PARVB: variants seen among roughly 807,000 people sequenced by gnomAD.
PARVB encodes parvin beta, also known as beta-parvin.
PARVB carries 46 observed loss-of-function variants against 47.0 expected under a neutral mutation model. The observed-to-expected ratio is 0.98, with a 90% confidence interval of 0.77 to 1.25. The LOEUF (loss-of-function observed/expected upper bound fraction) is 1.25. PARVB is among the 50% of genes most tolerant of loss of function. The pLI, the probability that PARVB is intolerant of heterozygous loss-of-function variation, is 0.00. For synonymous variants in PARVB, 196 were observed against 196.3 expected (o/e 1.00, Z 0.01); for missense variants, 473 against 471.6 (o/e 1.00, Z -0.03).
intron 1 of PARVB, among the ~76,000 whole-genome samples, chr22:44,071,799 G>A (rs1388452218): frequency 1.3e-5 from 2 of 152,230 alleles, no homozygotes; most frequent in Non-Finnish European, 2.9e-5. Flanking sequence ...ATGGGACCTT[G>A]ACTTTCCCAA....
At chr22:44,054,990 C>CAAAAAAA (rs3083343) in intron 1 of PARVB, among the ~76,000 whole-genome samples, 1 of 70,120 alleles carries the variant, frequency 1.4e-5, no homozygotes. Context: ...AACTCCATCT[C>CAAAAAAA]AAAAAAAAAA....
chr22:44,024,924 C>T (rs2050704418), intron 1 of PARVB, among the ~76,000 whole-genome samples: 1 of 152,186 alleles, frequency 6.6e-6, no homozygotes, highest in South Asian at 2.1e-4. Context: ...AGGGCTGAGG[C>T]CTGGGAGGCC....
intron 1 of PARVB, among the ~76,000 whole-genome samples, chr22:44,066,239 G>A (rs990078224): frequency 7.9e-5 from 12 of 152,156 alleles, no homozygotes; most frequent in Non-Finnish European, 1.0e-4. Flanking sequence ...TTTTAGTGAT[G>A]GCCAGTGAAG....
chr22:44,024,458 GC>G lies in PARVB; in HGVS notation c.112+8del. 1 of 1,150,138 alleles carries G rather than the reference GC, an allele frequency of 8.7e-7. No homozygotes were observed. The highest frequency in any genetic ancestry group is 1.1e-6 in the Non-Finnish European group (1 of 934,260). 71.2% of individuals were successfully genotyped at this position (1,150,138 alleles called of 1,614,324 possible). On this transcript the variant is annotated splice_region_variant and intron_variant, in intron 1 of 12. Coordinates refer to ENST00000338758, the MANE Select transcript of PARVB (RefSeq NM_013327.5). ...AAGCGGAGGGCGCGCGAGGGTGAGT[GC>G]GCGCCCGCGCCCGCCGACCCCCGGG...
At position 44,147,871 on chromosome 22, in the gene PARVB, C is replaced by A. The variant is rs2053720520; in HGVS notation, c.723C>A (p.Ala241=). 2 of 1,614,078 alleles carry A rather than the reference C, an allele frequency of 1.2e-6. No homozygotes were observed. Among genetic ancestry groups the A allele is most frequent in the East Asian group, 4.5e-5 (2 of 44,870 alleles). The change falls in exon 9 of 13, where the codon GCC becomes GCA. Residue 241 remains alanine, a synonymous_variant. Coordinates refer to ENST00000338758, the MANE Select transcript of PARVB (RefSeq NM_013327.5). ...EMMMGRFERD[A]FDTLFDHAPD... ...TTTGCATGTCCTCAGAGCGGGATGC[C>A]TTCGACACGCTGTTCGACCACGCCC...
At position 44,171,503 on chromosome 22, in the gene PARVB, A is replaced by AAG. The variant is rs1397668976; in HGVS notation, c.*2826_*2827insGA. On this transcript the variant is annotated 3_prime_UTR_variant, in exon 13 of 13. Coordinates refer to ENST00000338758, the MANE Select transcript of PARVB (RefSeq NM_013327.5). ...GAGTGAGACTCTGTCTCAAAAAAAA[A>AAG]AAAGAAAGAAAAAAGAAAAAGAAAA... 6.6e-6 allele frequency: 1 copy of AAG among 152,186 alleles called. No homozygotes were observed. The highest frequency in any genetic ancestry group is 1.5e-5 in the Non-Finnish European group (1 of 68,518). 9.4% of individuals were successfully genotyped at this position (152,186 alleles called of 1,614,324 possible).
chr22:44,102,445 G>A (rs2052471082), intron 3 of PARVB, among the ~76,000 whole-genome samples: 1 of 152,162 alleles, frequency 6.6e-6, no homozygotes. Context: ...TGATTTTTGA[G>A]CAATGCTTGA....
chr22:44,123,612 G>A (rs996591327), intron 4 of PARVB, among the ~76,000 whole-genome samples: 4 of 152,124 alleles, frequency 2.6e-5, no homozygotes, highest in African/African-American at 9.7e-5. Flanking sequence ...ACGAGGCTTT[G>A]CCATGTTGCC....
intron 2 of PARVB, chr22:43,999,802 C>T: frequency 2.5e-6 from 1 of 401,874 alleles, no homozygotes; most frequent in Non-Finnish European, 4.7e-6. Context: ...TTTGAGACTA[C>T]TCTGCACAAC....
At chr22:44,014,459 G>T (rs1455109391) in intron 2 of PARVB, among the ~76,000 whole-genome samples, 1 of 152,190 alleles carries the variant, frequency 6.6e-6, no homozygotes, top group Non-Finnish European at 1.5e-5. Context: ...TACAATGTAT[G>T]CATAGCCCTG....
chr22:44,003,547 G>C (rs1469120101), intron 2 of PARVB, among the ~76,000 whole-genome samples: 1 of 152,160 alleles, frequency 6.6e-6, no homozygotes, highest in Non-Finnish European at 1.5e-5. Context: ...ATGTGCTGCG[G>C]CAGCCACGCC....
At chr22:44,047,869 G>T (rs2051140976) in intron 1 of PARVB, among the ~76,000 whole-genome samples, 1 of 152,190 alleles carries the variant, frequency 6.6e-6, no homozygotes, top group Non-Finnish European at 1.5e-5. Flanking sequence ...GGTGGACAAA[G>T]GGGATGGCCT....
At chr22:44,095,736 T>A (rs1163277794) in intron 2 of PARVB, among the ~76,000 whole-genome samples, 1 of 152,176 alleles carries the variant, frequency 6.6e-6, no homozygotes, top group African/African-American at 2.4e-5. Flanking sequence ...TTCTGCGTAT[T>A]TCCAAACCCT....
chr22:44,121,368 A>G (rs987566781), intron 4 of PARVB, among the ~76,000 whole-genome samples: 3 of 152,068 alleles, frequency 2.0e-5, no homozygotes, highest in African/African-American at 7.2e-5. Flanking sequence ...CGTCCTGTTC[A>G]CCCATGATGC....
At chr22:44,070,116 C>T (rs377086366) in intron 1 of PARVB, among the ~76,000 whole-genome samples, 22 of 152,342 alleles carry the variant, frequency 1.4e-4, no homozygotes, top group African/African-American at 5.1e-4. Context: ...ATCCCAGGGA[C>T]TATCCCAGCT....
chr22:44,034,303 GTTTGAGATGGGTGTCTTTATA>G (rs2050879008), intron 1 of PARVB, among the ~76,000 whole-genome samples: 1 of 117,646 alleles, frequency 8.5e-6, no homozygotes, highest in Non-Finnish European at 1.9e-5. Context: ...ACATATATAT[GTTTGAGATGGGTGTCTTTATA>G]CATATATATG....
At chr22:44,072,566 G>A (rs753367016) in intron 1 of PARVB, among the ~76,000 whole-genome samples, 8 of 152,042 alleles carry the variant, frequency 5.3e-5, no homozygotes, top group South Asian at 2.1e-4. Flanking sequence ...TTAGCCTCCC[G>A]AGTAGCTGGG....
intron 2 of PARVB, among the ~76,000 whole-genome samples, chr22:44,014,941 C>T (rs1443886172): frequency 6.6e-6 from 1 of 151,956 alleles, no homozygotes; most frequent in East Asian, 1.9e-4. Flanking sequence ...ACCTCCGCAC[C>T]CTGGGTTCAA....
At position 44,004,422 on chromosome 22, in the gene PARVB, A is replaced by G. The variant is rs73888811; in HGVS notation, c.211+4749A>G. On this transcript the variant is annotated intron_variant, in intron 2 of 13. Transcript: ENST00000406477. ...ACCCCCCCCTTACTCTCAAGTTAAA[A>G]GAGAATATTAACAGTCTGTCTTCTC... 2.4e-3 allele frequency among the ~76,000 whole-genome samples: 362 copies of G among 152,324 alleles called. 3 individuals are homozygous for G. The highest frequency in any genetic ancestry group is 8.3e-3 in the African/African-American group (347 of 41,572).
Sources: gnomAD v4.1 joint callset for allele counts (sites outside exome capture counted in the v4.1 genomes callset) on GRCh38, gnomAD v4.1.1 for gene constraint, MANE v1.5 for transcripts, NCBI Gene and HGNC (gene_info 2026-07-23, HGNC 2026-07-21) for gene names.